The following ENPP6 variants were observed in gnomAD, a reference collection of about 807,000 sequenced individuals.
ENPP6 encodes glycerophosphocholine cholinephosphodiesterase ENPP6.
In ENPP6, 32 loss-of-function variants were observed where a neutral mutation model predicts 42.0. The observed-to-expected ratio is 0.76, with a 90% CI of 0.58 to 1.02. The LOEUF (loss-of-function observed/expected upper bound fraction) is 1.02. ENPP6 is among the 50% of genes least tolerant of loss of function. The pLI is 0.00. For synonymous variants in ENPP6, 213 were observed against 216.0 expected (o/e 0.99, Z 0.12); for missense variants, 552 against 566.8 (o/e 0.97, Z 0.27).
intron 1 of ENPP6, among the ~76,000 whole-genome samples, chr4:184,161,978 A>G (rs1006654033): frequency 3.3e-5 from 5 of 152,156 alleles, no homozygotes; most frequent in Admixed American, 6.5e-5. Context: ...AATCACCACT[A>G]AAGAACTTAC....
chr4:184,097,633 A>T (rs1376165356), intron 6 of ENPP6, among the ~76,000 whole-genome samples: 1 of 152,210 alleles, frequency 6.6e-6, no homozygotes, highest in East Asian at 1.9e-4. Flanking sequence ...TTTTAGAGCC[A>T]CTAAATATAG....
intron 1 of ENPP6, among the ~76,000 whole-genome samples, chr4:184,212,955 C>A (rs1038980620): frequency 6.6e-6 from 1 of 152,010 alleles, no homozygotes; most frequent in Non-Finnish European, 1.5e-5. Context: ...ACTATCTGAT[C>A]TTTGACAAAC....
At chr4:184,208,958 A>ACC (rs552112503) in intron 1 of ENPP6, among the ~76,000 whole-genome samples, 1 of 140,466 alleles carries the variant, frequency 7.1e-6, no homozygotes, top group Non-Finnish European at 1.6e-5. Flanking sequence ...ACTGGGAGGC[A>ACC]CCCCCCAGCA....
chr4:184,206,559 A>G (rs1212577294), intron 1 of ENPP6, among the ~76,000 whole-genome samples: 2 of 151,928 alleles, frequency 1.3e-5, no homozygotes, highest in Non-Finnish European at 2.9e-5. Context: ...CCCGGCCAGG[A>G]AGCTTGAATT....
At chr4:184,202,674 A>G (rs996653101) in intron 1 of ENPP6, among the ~76,000 whole-genome samples, 1 of 152,130 alleles carries the variant, frequency 6.6e-6, no homozygotes, top group African/African-American at 2.4e-5. Context: ...CTCATTTAGA[A>G]GTTGCTTTTT....
At chr4:184,172,837 C>T (rs533403744) in intron 1 of ENPP6, among the ~76,000 whole-genome samples, 31 of 152,156 alleles carry the variant, frequency 2.0e-4, no homozygotes, top group Admixed American at 5.2e-4. Flanking sequence ...TGCATACCAG[C>T]GAGAGGAAAT....
chr4:184,117,739 G>C lies in ENPP6; in HGVS notation c.675+20C>G. On this transcript the variant is annotated intron_variant, in intron 4 of 7. Transcript: ENST00000296741. ...GGTGACAGAGAGAAGGCCAGGCCACGTGTCTTTGCTTCAGGTCACCTGGAT... is the reference window on the plus strand; with the variant it reads ...GGTGACAGAGAGAAGGCCAGGCCACCTGTCTTTGCTTCAGGTCACCTGGAT... 1 of 1,611,154 alleles carries C rather than the reference G, an allele frequency of 6.2e-7. No individual in the cohort carries two copies. The highest frequency in any genetic ancestry group is 2.2e-5 in the East Asian group (1 of 44,802).
chr4:184,165,340 G>T (rs565027390), intron 1 of ENPP6, among the ~76,000 whole-genome samples: 2 of 152,292 alleles, frequency 1.3e-5, no homozygotes, highest in East Asian at 3.9e-4. Context: ...GATTCAAAGT[G>T]GCTGAGTGAG....
At chr4:184,168,890 C>T (rs1464348945) in intron 1 of ENPP6, among the ~76,000 whole-genome samples, 1 of 152,202 alleles carries the variant, frequency 6.6e-6, no homozygotes, top group Non-Finnish European at 1.5e-5. Flanking sequence ...CTGGGAGTCT[C>T]GTGCTGTGCC....
intron 1 of ENPP6, among the ~76,000 whole-genome samples, chr4:184,154,859 G>A (rs1346043097): frequency 6.6e-6 from 1 of 152,250 alleles, no homozygotes; most frequent in South Asian, 2.1e-4. Context: ...AAATTAAGAT[G>A]TTGAGCAATT....
At chr4:184,128,875 C>T (rs1736548530) in intron 2 of ENPP6, among the ~76,000 whole-genome samples, 1 of 152,088 alleles carries the variant, frequency 6.6e-6, no homozygotes, top group African/African-American at 2.4e-5. Context: ...TTTTTGTAGG[C>T]CACAATTGCA....
intron 5 of ENPP6, among the ~76,000 whole-genome samples, chr4:184,113,954 T>TCTTTCTTTCTTC (rs1736269499): frequency 6.8e-6 from 1 of 147,308 alleles, no homozygotes; most frequent in Non-Finnish European, 1.5e-5. Flanking sequence ...TTTCTTTCTT[T>TCTTTCTTTCTTC]CTTTCTTTCT....
chr4:184,216,134 G>A (rs1189096114), intron 1 of ENPP6, among the ~76,000 whole-genome samples: 1 of 152,244 alleles, frequency 6.6e-6, no homozygotes, highest in Admixed American at 6.5e-5. Flanking sequence ...GAGTGGGGGT[G>A]GGCTGTGTGT....
At chr4:184,168,476 GC>G (rs1457039160) in intron 1 of ENPP6, among the ~76,000 whole-genome samples, 5 of 151,964 alleles carry the variant, frequency 3.3e-5, no homozygotes, top group African/African-American at 4.8e-5. Context: ...CGTTGCATCT[GC>G]CTTGCACAGG....
chr4:184,103,725 C>A (rs569527309), intron 6 of ENPP6, among the ~76,000 whole-genome samples: 1 of 152,230 alleles, frequency 6.6e-6, no homozygotes, highest in African/African-American at 2.4e-5. Context: ...CTTTGGAGCC[C>A]GTGGGAGTGG....
chr4:184,127,334 T>G (rs1736520725), intron 2 of ENPP6, among the ~76,000 whole-genome samples: 6 of 151,556 alleles, frequency 4.0e-5, no homozygotes, highest in Admixed American at 3.9e-4. Flanking sequence ...ATAAAGAAGA[T>G]ATGGTAGAAT....
At chr4:184,144,185 C>T (rs1736878761) in intron 2 of ENPP6, among the ~76,000 whole-genome samples, 2 of 152,232 alleles carry the variant, frequency 1.3e-5, no homozygotes, top group South Asian at 2.1e-4. Flanking sequence ...CACCAAACAC[C>T]TCAGACTCTG....
chr4:184,200,726 G>A (rs528120195), intron 1 of ENPP6, among the ~76,000 whole-genome samples: 4 of 152,192 alleles, frequency 2.6e-5, no homozygotes, highest in South Asian at 2.1e-4. Flanking sequence ...GCAGATAATC[G>A]GCTGGGCAAC....
intron 6 of ENPP6, among the ~76,000 whole-genome samples, chr4:184,101,025 G>A (rs549772578): frequency 6.6e-6 from 1 of 152,266 alleles, no homozygotes; most frequent in South Asian, 2.1e-4. Context: ...AAGGAGGGAG[G>A]GAGGCTCAGG....
Sources: gnomAD v4.1 joint callset for allele counts (sites outside exome capture counted in the v4.1 genomes callset) on GRCh38, gnomAD v4.1.1 for gene constraint, MANE v1.5 for transcripts, NCBI Gene and HGNC (gene_info 2026-07-23, HGNC 2026-07-21) for gene names.